Variants in ADAMTS17 observed in about 807,000 individuals in gnomAD.
The protein encoded by ADAMTS17 is ADAM metallopeptidase with thrombospondin type 1 motif 17.
Under a neutral mutation model 141.5 loss-of-function variants are expected in ADAMTS17, and 113 were observed. The ratio of observed to expected loss-of-function variants is 0.80; its 90% CI spans 0.69 to 0.93. The LOEUF is 0.93. Ranked by LOEUF, ADAMTS17 falls within the 40% of genes least tolerant of loss-of-function variation. The probability of loss-of-function intolerance (pLI) is 0.00; values close to 1 mark genes in which losing one functional copy is unlikely to be tolerated. For missense variants in ADAMTS17, 1,659 were observed against 1,517.9 expected (o/e 1.09, Z -1.54); for synonymous variants, 768 against 630.6 (o/e 1.22, Z -3.27).
At chr15:100,291,648 T>C (rs1355711407) in intron 3 of ADAMTS17, among the ~76,000 whole-genome samples, 3 of 152,118 alleles carry the variant, frequency 2.0e-5, no homozygotes, top group Admixed American at 1.3e-4. Flanking sequence ...CACCAGGAAA[T>C]ACTATACAGC....
intron 10 of ADAMTS17, among the ~76,000 whole-genome samples, chr15:100,139,024 G>A (rs1013838336): frequency 6.6e-6 from 1 of 152,154 alleles, no homozygotes; most frequent in African/African-American, 2.4e-5. Flanking sequence ...GACCTGTTTT[G>A]CAAATTGATT....
At chr15:100,141,768 G>C (rs1353640358) in intron 10 of ADAMTS17, among the ~76,000 whole-genome samples, 1 of 152,246 alleles carries the variant, frequency 6.6e-6, no homozygotes, top group Non-Finnish European at 1.5e-5. Context: ...TGAAAAGGCA[G>C]TCTACTGTAA....
intron 15 of ADAMTS17, among the ~76,000 whole-genome samples, chr15:100,080,628 C>T (rs767951760): frequency 6.6e-5 from 10 of 152,094 alleles, no homozygotes; most frequent in African/African-American, 1.4e-4. Context: ...AGGTAGTTAT[C>T]GATACCAGCT....
intron 19 of ADAMTS17, among the ~76,000 whole-genome samples, chr15:99,996,085 G>A (rs564291925): frequency 1.2e-3 from 176 of 146,332 alleles, no homozygotes; most frequent in African/African-American, 4.0e-3. Flanking sequence ...ACAGAGTTTC[G>A]CTCTTGTTGC....
At chr15:100,108,919 C>A in intron 14 of ADAMTS17, 70 bp downstream of exon 14, 1 of 1,608,548 alleles carries the variant, frequency 6.2e-7, no homozygotes, top group Non-Finnish European at 8.5e-7. Flanking sequence ...TGCTCTACCC[C>A]ACTCCCTGTC....
chr15:99,977,706 G>A (rs919966250), intron 20 of ADAMTS17, among the ~76,000 whole-genome samples: 1 of 151,834 alleles, frequency 6.6e-6, no homozygotes, highest in African/African-American at 2.4e-5. Context: ...GTGAGCCACC[G>A]TGCCTGGTGT....
At chr15:100,028,467 C>A (rs992295128) in intron 18 of ADAMTS17, among the ~76,000 whole-genome samples, 5 of 152,224 alleles carry the variant, frequency 3.3e-5, no homozygotes, top group African/African-American at 9.6e-5. Context: ...AGTTCTGTAG[C>A]ATCTTGGATT....
chr15:100,133,349 G>A (rs774160205), intron 10 of ADAMTS17, 34 bp from the exon 11 acceptor site: 229 of 1,546,750 alleles, frequency 1.5e-4, no homozygotes, highest in Non-Finnish European at 1.8e-4. Flanking sequence ...TAATTGTGGA[G>A]AACACCCACA....
chr15:100,230,811 G>A (rs1028044321), intron 7 of ADAMTS17, among the ~76,000 whole-genome samples: 16 of 148,614 alleles, frequency 1.1e-4, no homozygotes, highest in Admixed American at 4.1e-4. Context: ...ACCTAGCTTC[G>A]GAAACATGTC....
At chr15:100,258,312 G>A (rs989117644) in intron 6 of ADAMTS17, among the ~76,000 whole-genome samples, 7 of 152,156 alleles carry the variant, frequency 4.6e-5, no homozygotes, top group South Asian at 2.1e-4. Flanking sequence ...TATTGTGGCT[G>A]TACCATTTTA....
At chr15:100,001,729 G>T (rs958501388) in intron 18 of ADAMTS17, among the ~76,000 whole-genome samples, 1 of 152,024 alleles carries the variant, frequency 6.6e-6, no homozygotes, top group Non-Finnish European at 1.5e-5. Context: ...CCAGCATTTT[G>T]GGAGGCCAAG....
At chr15:99,986,317 G>T (rs2141303337) in intron 20 of ADAMTS17, among the ~76,000 whole-genome samples, 1 of 152,350 alleles carries the variant, frequency 6.6e-6, no homozygotes, top group Non-Finnish European at 1.5e-5. Context: ...ACACAGAAAG[G>T]CATCTAACAG....
rs139909605 is a variant in ADAMTS17, at chr15:100,170,104, C to A, written c.1182-14784G>T. Among the ~76,000 whole-genome samples, 3 of 152,034 alleles carry A rather than the reference C, an allele frequency of 2.0e-5. No homozygotes were observed. The South Asian group carries it at 6.2e-4, about 32-fold the overall frequency. On this transcript the variant is annotated intron_variant, in intron 8 of 21. Transcript: ENST00000268070. ...ATGTGACTGGCACCATGAGATGTTACGTGGGCACCAAGTCCACATGGGCTT... is the reference window on the plus strand; with the variant it reads ...ATGTGACTGGCACCATGAGATGTTAAGTGGGCACCAAGTCCACATGGGCTT...
intron 7 of ADAMTS17, among the ~76,000 whole-genome samples, chr15:100,222,031 A>G (rs1309424087): frequency 1.3e-5 from 2 of 152,166 alleles, no homozygotes; most frequent in African/African-American, 2.4e-5. Context: ...TGTGCAAACC[A>G]TTTTATTAAA....
intron 7 of ADAMTS17, 150 bp downstream of exon 7, chr15:100,253,986 A>G: frequency 1.4e-6 from 1 of 737,120 alleles, no homozygotes; most frequent in South Asian, 1.6e-5. Flanking sequence ...GAAAATAAAA[A>G]AAGGAAAGTC....
intron 18 of ADAMTS17, among the ~76,000 whole-genome samples, chr15:100,048,488 G>A (rs2031883186): frequency 1.5e-5 from 2 of 131,932 alleles, no homozygotes; most frequent in Non-Finnish European, 3.1e-5. Flanking sequence ...TAGCCTGTGT[G>A]CACCTTTCTC....
At chr15:100,163,013 T>C (rs1296407034) in intron 8 of ADAMTS17, among the ~76,000 whole-genome samples, 1 of 146,304 alleles carries the variant, frequency 6.8e-6, no homozygotes. Flanking sequence ...TATGTGTATA[T>C]ATAACTATAT....
At chr15:100,180,904 G>A (rs190151354) in intron 8 of ADAMTS17, among the ~76,000 whole-genome samples, 11 of 152,318 alleles carry the variant, frequency 7.2e-5, no homozygotes, top group East Asian at 3.9e-4. Context: ...CCTTCAGGGC[G>A]GCAAGTTCCC....
At chr15:100,256,391 C>T (rs2141973528) in intron 6 of ADAMTS17, 2 of 152,372 alleles carry the variant, frequency 1.3e-5, no homozygotes, top group Middle Eastern at 6.8e-3. Context: ...ACAGCTGATC[C>T]TGTGCGTAAC....
Sources: gnomAD v4.1 joint callset for allele counts (sites outside exome capture counted in the v4.1 genomes callset) on GRCh38, gnomAD v4.1.1 for gene constraint, MANE v1.5 for transcripts, NCBI Gene and HGNC (gene_info 2026-07-23, HGNC 2026-07-21) for gene names.